The following LONP2 variants were observed in gnomAD, a reference collection of about 807,000 sequenced individuals.
LONP2 encodes the protein lon peptidase 2, peroxisomal.
A neutral mutation model predicts 85.6 loss-of-function variants in LONP2; 60 were observed. The observed-to-expected ratio is 0.70, with a 90% confidence interval of 0.57 to 0.87. The LOEUF is 0.87. Ranked by LOEUF, LONP2 falls within the 40% of genes least tolerant of loss-of-function variation. The pLI is 0.00. For missense variants in LONP2, 860 were observed against 1,063.5 expected, an observed-to-expected ratio of 0.81 and a Z score of 2.66; for synonymous variants, 395 against 389.7, an observed-to-expected ratio of 1.01 and a Z score of -0.16.
In LONP2 at chr16:48,357,179, G is replaced by A. The variant is rs1156417118; in HGVS notation, c.*5377G>A. ...ACATCATACCCTTTTGTGGAGGAGG[G>A]ACCAGGCAGAGAAGGTATTTAAATA... On this transcript the variant is annotated 3_prime_UTR_variant, in exon 15 of 15. Transcript: ENST00000285737. 1 of 152,134 alleles carries A rather than the reference G, an allele frequency of 6.6e-6. No homozygotes were observed. The highest frequency in any genetic ancestry group is 1.5e-5 in the Non-Finnish European group (1 of 68,038). The allele number at this position is 152,134 out of a possible 1,614,324, so 9.4% of individuals were successfully genotyped here. A position where few individuals can be genotyped will look rare whatever the true frequency, so the allele number is the denominator to read the frequency against.
At chr16:48,254,347 G>A (rs1296438282) in intron 2 of LONP2, among the ~76,000 whole-genome samples, 1 of 151,520 alleles carries the variant, frequency 6.6e-6, no homozygotes, top group African/African-American at 2.4e-5. Context: ...TCTGCTGGGA[G>A]TGCTCTTCCA....
chr16:48,258,517 A>ATT, intron 3 of LONP2, 101 bp from the exon 4 acceptor site: 1 of 1,201,824 alleles, frequency 8.3e-7, no homozygotes, highest in Non-Finnish European at 1.1e-6. Context: ...ACTGTTAATA[A>ATT]TTTTTTTTTA....
chr16:48,344,173 C>T (rs1959897408), intron 12 of LONP2: 1 of 152,164 alleles, frequency 6.6e-6, no homozygotes, highest in Non-Finnish European at 1.5e-5. Context: ...TGTGTCTTAC[C>T]CTGTACCTTC....
chr16:48,251,658 A>G (rs1971651830), intron 1 of LONP2, among the ~76,000 whole-genome samples: 1 of 152,208 alleles, frequency 6.6e-6, no homozygotes, highest in Non-Finnish European at 1.5e-5. Context: ...TGGAAGTTTC[A>G]TAGACTGATT....
intron 8 of LONP2, among the ~76,000 whole-genome samples, chr16:48,282,722 T>C (rs1469308851): frequency 6.6e-6 from 1 of 152,162 alleles, no homozygotes; most frequent in Admixed American, 6.5e-5. Context: ...CTCCCTCTCC[T>C]CTGGCTCCTA....
chr16:48,350,365 G>C (rs1960103722), intron 14 of LONP2, among the ~76,000 whole-genome samples: 1 of 151,330 alleles, frequency 6.6e-6, no homozygotes, highest in South Asian at 2.1e-4. Flanking sequence ...CTCTAGCTTG[G>C]GTGACAGAGT....
In LONP2 at chr16:48,342,939, C is replaced by T. The variant is rs16946119; in HGVS notation, c.1939-4568C>T. ...TGTCTCATGTGGCACCGTGCTTGTCCTTGGAAAGAAGGCCTACAAAATTCT... is the reference window on the plus strand; with the variant it reads ...TGTCTCATGTGGCACCGTGCTTGTCTTTGGAAAGAAGGCCTACAAAATTCT... On this transcript the variant is annotated intron_variant, in intron 12 of 14. Transcript: ENST00000285737. Among the ~76,000 whole-genome samples, 1,358 of 152,276 alleles carry T rather than the reference C, an allele frequency of 8.9e-3. 26 individuals are homozygous for T. The highest frequency in any genetic ancestry group is 0.031 in the African/African-American group (1,296 of 41,562).
intron 11 of LONP2, among the ~76,000 whole-genome samples, chr16:48,319,897 T>C (rs1330030946): frequency 2.6e-5 from 4 of 151,888 alleles, no homozygotes. Context: ...GCGTGGTGGC[T>C]CACGCCTTTA....
At chr16:48,269,799 TA>T (rs1280011767) in intron 6 of LONP2, among the ~76,000 whole-genome samples, 1 of 152,162 alleles carries the variant, frequency 6.6e-6, no homozygotes, top group Non-Finnish European at 1.5e-5. Flanking sequence ...ATTGAGTTTT[TA>T]ATTGTGTAGT....
chr16:48,359,680 C>T (rs965624673), downstream of LONP2, among the ~76,000 whole-genome samples: 24 of 151,916 alleles, frequency 1.6e-4, 1 homozygote, highest in Admixed American at 5.9e-4. Flanking sequence ...CACGCCACTG[C>T]ACTCCAGCCT....
chr16:48,257,652 ATTTG>A (rs1357667543), intron 3 of LONP2, among the ~76,000 whole-genome samples: 3 of 152,206 alleles, frequency 2.0e-5, no homozygotes, highest in African/African-American at 4.8e-5. Flanking sequence ...ATCCTAGAAT[ATTTG>A]TTTGTTTTCA....
rs369150427 is a variant in LONP2 at position 48,352,113 on chromosome 16, A to G, written c.*311A>G. 8.3e-5 allele frequency: 23 copies of G among 278,670 alleles called. No homozygotes were observed. The East Asian group carries it at 1.0e-3, about 12-fold the overall frequency. 17.3% of individuals were successfully genotyped at this position (278,670 alleles called of 1,614,324 possible). On this transcript the variant is annotated 3_prime_UTR_variant, in exon 15 of 15. Coordinates refer to ENST00000285737, the MANE Select transcript of LONP2 (RefSeq NM_031490.5). ...TGTAGTACCTGGTAACTTGTTAGAA[A>G]TGTACATTCTCAGGCTCCACAGCAG...
At chr16:48,304,318 A>G (rs1337782177) in intron 11 of LONP2, among the ~76,000 whole-genome samples, 1 of 152,256 alleles carries the variant, frequency 6.6e-6, no homozygotes, top group African/African-American at 2.4e-5. Flanking sequence ...AAACAACTAA[A>G]TGTAATTTAA....
At position 48,296,010 on chromosome 16, in the gene LONP2, C is replaced by T. The variant is rs761625529; in HGVS notation, c.1384-5C>T. On this transcript the variant is annotated splice_polypyrimidine_tract_variant and splice_region_variant and intron_variant, in intron 8 of 14. Coordinates refer to ENST00000285737, the MANE Select transcript of LONP2 (RefSeq NM_031490.5). ...GTTTTTAAAATGTTTTTTGTTCTCC[C>T]CTAGGTGTTGGATCCTGAACAAAAC... The T allele has an allele frequency of 1.2e-6, 2 of 1,613,642 alleles. No individual in the cohort carries two copies. The highest frequency in any genetic ancestry group is 1.3e-5 in the African/African-American group (1 of 74,864).
chr16:48,331,773 C>T (rs1382741723), intron 11 of LONP2, among the ~76,000 whole-genome samples: 2 of 152,140 alleles, frequency 1.3e-5, no homozygotes, highest in East Asian at 3.9e-4. Context: ...ACTGTGTTAG[C>T]CAGGATGGTC....
At chr16:48,351,533 A>G (rs1412441439) in intron 14 of LONP2, 48 bp from the exon 15 acceptor site, 2 of 1,470,264 alleles carry the variant, frequency 1.4e-6, no homozygotes, top group South Asian at 1.2e-5. Context: ...GGTTTCTTTC[A>G]GCTTGAGGGT....
At chr16:48,309,730 TA>T (rs113258966) in intron 11 of LONP2, among the ~76,000 whole-genome samples, 4 of 152,202 alleles carry the variant, frequency 2.6e-5, no homozygotes, top group African/African-American at 9.7e-5. Context: ...GATTTTTTTT[TA>T]AATTTATTGA....
intron 2 of LONP2, among the ~76,000 whole-genome samples, chr16:48,253,777 T>G (rs1971701142): frequency 6.6e-6 from 1 of 152,194 alleles, no homozygotes; most frequent in Admixed American, 6.5e-5. Context: ...AAAGGAATTT[T>G]TAGAAATAAA....
At chr16:48,306,418 A>G (rs1972912565) in intron 11 of LONP2, among the ~76,000 whole-genome samples, 2 of 152,230 alleles carry the variant, frequency 1.3e-5, no homozygotes, top group Admixed American at 1.3e-4. Flanking sequence ...CTGTGTGAGA[A>G]CTACAGTTTT....
Sources: allele counts gnomAD v4.1 joint callset (sites outside exome capture counted in the v4.1 genomes callset), GRCh38; gene constraint gnomAD v4.1.1; transcripts MANE v1.5; gene names NCBI Gene and HGNC (gene_info 2026-07-23, HGNC 2026-07-21).